Variants in MAML1 observed in about 807,000 individuals in gnomAD.
The protein encoded by MAML1 is mastermind-like protein 1.
A neutral mutation model predicts 77.1 loss-of-function variants in MAML1; 14 were observed. The ratio of observed to expected loss-of-function variants is 0.18; its 90% CI spans 0.12 to 0.28. MAML1 has a LOEUF of 0.28. MAML1 is among the 10% of genes least tolerant of loss of function. MAML1 has a pLI of 1.00. For missense variants in MAML1, 1,217 were observed against 1,327.8 expected (o/e 0.92, Z 1.30); for synonymous variants, 516 against 551.9 (o/e 0.93, Z 0.91).
intron 1 of MAML1, among the ~76,000 whole-genome samples, chr5:179,752,338 A>ATAT (rs1451163108): frequency 8.9e-4 from 45 of 50,318 alleles, no homozygotes; most frequent in Middle Eastern, 9.8e-3. Context: ...AAAAAAAAAA[A>ATAT]AAAAAAAAAA....
chr5:179,766,316 T>A lies in MAML1; in HGVS notation c.1306T>A (p.Ser436Thr), dbSNP rs778423505. 1 of 1,610,478 alleles carries A rather than the reference T, an allele frequency of 6.2e-7. No individual in the cohort carries two copies. Among genetic ancestry groups the A allele is most frequent in the South Asian group, 1.1e-5 (1 of 90,538 alleles). ...GTCCACATGGCAGCAGACGGGGCCCTCCCACAGTTCCTTAGATGTCCCTTA... is the reference window on the plus strand; with the variant it reads ...GTCCACATGGCAGCAGACGGGGCCCACCCACAGTTCCTTAGATGTCCCTTA... ...QMSTWQQTGP[S>T]HSSLDVPYPM... Residue 436 changes from serine (S) to threonine (T), a missense_variant, in exon 2 of 5, where the codon TCC becomes ACC. Transcript: ENST00000292599. This position sits in a 1 kb window ranked among gnomAD's most constrained non-coding sequence, Gnocchi z 4.0.
At chr5:179,743,233 T>G (rs6601071) in intron 1 of MAML1, among the ~76,000 whole-genome samples, 140,871 of 151,286 alleles carry the variant, frequency 0.93, 66,434 homozygotes, top group East Asian at 1. Context: ...TGTATTTTTA[T>G]TAGAGATGGG....
chr5:179,746,212 G>T (rs1320474873), intron 1 of MAML1, among the ~76,000 whole-genome samples: 1 of 151,776 alleles, frequency 6.6e-6, no homozygotes, highest in African/African-American at 2.4e-5. Context: ...CGGGTGTGGT[G>T]GCTGTTGCCT....
chr5:179,770,744 T>C (rs1268089320), intron 3 of MAML1, among the ~76,000 whole-genome samples: 1 of 152,228 alleles, frequency 6.6e-6, no homozygotes, highest in Non-Finnish European at 1.5e-5. Context: ...TGTTTAACCT[T>C]TGGAGGAACT....
chr5:179,775,753 G>A lies in MAML1; in HGVS notation c.*876G>A. 4.1e-6 allele frequency: 4 copies of A among 985,494 alleles called. No homozygotes were observed. The highest frequency in any genetic ancestry group is 4.8e-6 in the Non-Finnish European group (4 of 829,968). 61.0% of individuals were successfully genotyped at this position (985,494 alleles called of 1,614,324 possible). ...TGAACATGTATGTTGCCCATGGTGG[G>A]AGCGTGGTCACTGTGCAGTTGTGCA... On this transcript the variant is annotated 3_prime_UTR_variant, in exon 5 of 5. Coordinates refer to ENST00000292599, the MANE Select transcript of MAML1 (RefSeq NM_014757.5).
At position 179,774,324 on chromosome 5, in the gene MAML1, G is replaced by A; in HGVS notation, c.2498G>A (p.Gly833Glu). The A allele has an allele frequency of 5.6e-6, 9 of 1,613,462 alleles. No individual in the cohort carries two copies. The highest frequency in any genetic ancestry group is 7.6e-6 in the Non-Finnish European group (9 of 1,180,044). ...PPVPRVSPAM[G>E]GQNSSWQHQG... ...GTCCCAAGGGTGTCACCAGCCATGG[G>A]AGGCCAGAATTCCTCCTGGCAGCAT... Residue 833 changes from glycine to glutamate, a missense_variant, in exon 5 of 5, where the codon GGA becomes GAA. Coordinates refer to ENST00000292599, the MANE Select transcript of MAML1 (RefSeq NM_014757.5).
intron 1 of MAML1, among the ~76,000 whole-genome samples, chr5:179,752,624 T>G (rs1300118737): frequency 1.5e-5 from 2 of 129,174 alleles, no homozygotes; most frequent in African/African-American, 2.9e-5. Flanking sequence ...TTTTTTTTTT[T>G]GAGATGGAAT....
At chr5:179,734,446 T>G (rs1468356809) in intron 1 of MAML1, among the ~76,000 whole-genome samples, 1 of 152,184 alleles carries the variant, frequency 6.6e-6, no homozygotes, top group East Asian at 1.9e-4. Flanking sequence ...TAACCTATCT[T>G]TTAATGTCCC....
intron 1 of MAML1, among the ~76,000 whole-genome samples, chr5:179,745,047 T>A (rs1779352977): frequency 6.6e-6 from 1 of 151,788 alleles, no homozygotes; most frequent in Non-Finnish European, 1.5e-5. Context: ...GACTACAGGC[T>A]CCTACCACCA....
chr5:179,776,541 T>G lies in MAML1; in HGVS notation c.*1664T>G, dbSNP rs1756137202. ...CTTTCCCATGTACTCAGTTTAGCTCTCAAAGAAGGGGTGAATCATAAAGCC... is the reference window on the plus strand; with the variant it reads ...CTTTCCCATGTACTCAGTTTAGCTCGCAAAGAAGGGGTGAATCATAAAGCC... On this transcript the variant is annotated 3_prime_UTR_variant, in exon 5 of 5. Coordinates refer to ENST00000292599, the MANE Select transcript of MAML1 (RefSeq NM_014757.5). 1 of 985,592 alleles carries G rather than the reference T, an allele frequency of 1.0e-6. No homozygotes were observed. 61.1% of individuals were successfully genotyped at this position (985,592 alleles called of 1,614,324 possible). A position where few individuals can be genotyped will look rare whatever the true frequency, so the allele number is the denominator to read the frequency against.
At position 179,733,079 on chromosome 5, in the gene MAML1, C is replaced by T. The variant is rs1779096164; in HGVS notation, c.-34C>T. On this transcript the variant is annotated 5_prime_UTR_variant, in exon 1 of 5. Transcript: ENST00000292599. ...CAGTGCCAGCCGGCCCCGAGAGGCCCGGCCCCGGGCCCGGCCCGTGCAGCC... is the reference window on the plus strand; with the variant it reads ...CAGTGCCAGCCGGCCCCGAGAGGCCTGGCCCCGGGCCCGGCCCGTGCAGCC... The T allele has an allele frequency of 7.9e-7, 1 of 1,261,088 alleles. No homozygotes were observed. Among genetic ancestry groups the T allele is most frequent in the South Asian group, 2.3e-5 (1 of 43,694 alleles). The allele number at this position is 1,261,088 out of a possible 1,614,324, so 78.1% of individuals were successfully genotyped here.
chr5:179,744,406 T>C (rs1485445198), intron 1 of MAML1, among the ~76,000 whole-genome samples: 1 of 152,090 alleles, frequency 6.6e-6, no homozygotes, highest in African/African-American at 2.4e-5. Context: ...AGGCTGGTCT[T>C]GAACCTCCTG....
chr5:179,750,597 A>G (rs1779469390), intron 1 of MAML1, among the ~76,000 whole-genome samples: 1 of 151,918 alleles, frequency 6.6e-6, no homozygotes, highest in Non-Finnish European at 1.5e-5. Flanking sequence ...AGTAGCTGGG[A>G]TTACAGGTAT....
At chr5:179,762,753 C>T (rs1203749371) in intron 1 of MAML1, among the ~76,000 whole-genome samples, 1 of 152,196 alleles carries the variant, frequency 6.6e-6, no homozygotes, top group African/African-American at 2.4e-5. Context: ...AAGGCTCACT[C>T]ATCCTTGCCC....
rs922751966 is a variant in MAML1 at position 179,769,531 on chromosome 5, C to T, written c.1971+442C>T. Among the ~76,000 whole-genome samples, 1 of 151,492 alleles carries T rather than the reference C, an allele frequency of 6.6e-6. No homozygotes were observed. Among genetic ancestry groups the T allele is most frequent in the African/African-American group, 2.4e-5 (1 of 41,246 alleles). On this transcript the variant is annotated intron_variant, in intron 3 of 4. Coordinates refer to ENST00000292599, the MANE Select transcript of MAML1 (RefSeq NM_014757.5). The surrounding 1 kb of genome is among the most constrained non-coding windows in gnomAD (Gnocchi z 4.2). Reference sequence around the variant, plus strand: ...TCGCTTGGTTAGCAAGTGTAGTGTGCAGGCACTAAGGGTTACAAGTGAGAG... The same window carrying T: ...TCGCTTGGTTAGCAAGTGTAGTGTGTAGGCACTAAGGGTTACAAGTGAGAG...
At chr5:179,737,696 C>T (rs1038034512) in intron 1 of MAML1, among the ~76,000 whole-genome samples, 4 of 117,976 alleles carry the variant, frequency 3.4e-5, no homozygotes, top group Admixed American at 3.3e-4. Flanking sequence ...GATATCCCAC[C>T]ACAGCGAAGT....
At chr5:179,764,024 C>T (rs1202629399) in intron 1 of MAML1, among the ~76,000 whole-genome samples, 1 of 152,104 alleles carries the variant, frequency 6.6e-6, no homozygotes, top group African/African-American at 2.4e-5. Flanking sequence ...GTCCTGACTG[C>T]AGCACATGCA....
At chr5:179,740,606 G>A (rs1779263491) in intron 1 of MAML1, among the ~76,000 whole-genome samples, 1 of 152,082 alleles carries the variant, frequency 6.6e-6, no homozygotes, top group Non-Finnish European at 1.5e-5. Context: ...TGGTTCTGGT[G>A]CTAGGTGGAG....
At chr5:179,752,342 A>ATATATATATATATATAT (rs1351079259) in intron 1 of MAML1, among the ~76,000 whole-genome samples, 41 of 86,566 alleles carry the variant, frequency 4.7e-4, no homozygotes, top group East Asian at 2.0e-3. Flanking sequence ...AAAAAAAAAA[A>ATATATATATATATATAT]AAAAAAAAAT....
Sources: gnomAD v4.1 joint callset for allele counts (sites outside exome capture counted in the v4.1 genomes callset) on GRCh38, gnomAD v4.1.1 for gene constraint, Gnocchi (gnomAD v3.1) non-coding constraint, MANE v1.5 for transcripts, NCBI Gene and HGNC (gene_info 2026-07-23, HGNC 2026-07-21) for gene names.